The following BLTP3B variants were observed in gnomAD, a reference collection of about 807,000 sequenced individuals.
BLTP3B encodes the protein bridge-like lipid transfer protein family member 3B.
At chr12:100,082,565 T>C in the BLTP3B span, among the ~76,000 whole-genome samples, 1 of 152,238 alleles carries the variant, frequency 6.6e-6, no homozygotes, top group African/African-American at 2.4e-5. Context: ...AGTTAATTTT[T>C]GTGTGTGGTG....
the BLTP3B span, chr12:100,098,625 G>A: frequency 7.1e-7 from 1 of 1,417,072 alleles, no homozygotes; most frequent in Non-Finnish European, 9.4e-7. Flanking sequence ...TTTCTGGTTG[G>A]GGATGGTGGC....
At chr12:100,096,548 G>C in the BLTP3B span, among the ~76,000 whole-genome samples, 1 of 152,022 alleles carries the variant, frequency 6.6e-6, no homozygotes, top group Admixed American at 6.6e-5. Flanking sequence ...GCCAGGCATC[G>C]TGGCTCACAC....
At chr12:100,071,115 C>A in the BLTP3B span, among the ~76,000 whole-genome samples, 5 of 152,252 alleles carry the variant, frequency 3.3e-5, no homozygotes, top group South Asian at 1.0e-3. Context: ...GATAACAAAA[C>A]CTATTTCATC....
chr12:100,044,348 T>C, the BLTP3B span, among the ~76,000 whole-genome samples: 34 of 152,312 alleles, frequency 2.2e-4, no homozygotes, highest in African/African-American at 7.7e-4. Flanking sequence ...TGTCCTTTCT[T>C]CTGTAGCACT....
the BLTP3B span, among the ~76,000 whole-genome samples, chr12:100,072,271 A>C: frequency 6.6e-6 from 1 of 152,032 alleles, no homozygotes; most frequent in Admixed American, 6.6e-5. Context: ...TGAAAAAAAA[A>C]CAAAAAACAA....
the BLTP3B span, among the ~76,000 whole-genome samples, chr12:100,124,937 TATATATATATATATATATATATA>T: frequency 2.7e-4 from 1 of 3,660 alleles, no homozygotes; most frequent in African/African-American, 6.5e-4. Context: ...AAAAAAATTT[TATATATATATATATATATATATA>T]TATATATATA....
chr12:100,092,814 A>T, the BLTP3B span: 1,128 of 788,166 alleles, frequency 1.4e-3, 10 homozygotes, highest in African/African-American at 0.02. Flanking sequence ...TTAACAGAAT[A>T]GTATTTATGT....
the BLTP3B span, chr12:100,048,261 T>G: frequency 6.8e-7 from 1 of 1,478,752 alleles, no homozygotes; most frequent in Non-Finnish European, 9.0e-7. Context: ...TTATGTGCCA[T>G]GTAGTACATT....
the BLTP3B span, among the ~76,000 whole-genome samples, chr12:100,041,220 T>G: frequency 2.6e-5 from 4 of 152,160 alleles, no homozygotes; most frequent in African/African-American, 9.7e-5. Context: ...ATCATCTCAA[T>G]AGATGCAGAA....
At chr12:100,085,871 A>G in the BLTP3B span, among the ~76,000 whole-genome samples, 8,683 of 134,594 alleles carry the variant, frequency 0.065, 819 homozygotes, top group African/African-American at 0.22. Flanking sequence ...TTAGCTTCAT[A>G]CTCTTTTCAT....
At chr12:100,052,709 C>A in the BLTP3B span, among the ~76,000 whole-genome samples, 1 of 151,414 alleles carries the variant, frequency 6.6e-6, no homozygotes, top group African/African-American at 2.4e-5. Context: ...AACTTAATAG[C>A]CTTAAAGCAA....
the BLTP3B span, among the ~76,000 whole-genome samples, chr12:100,136,021 G>C: frequency 6.6e-6 from 1 of 152,014 alleles, no homozygotes. Flanking sequence ...GAACAGCCTG[G>C]CCAACATGGT....
At chr12:100,053,340 G>A in the BLTP3B span, among the ~76,000 whole-genome samples, 1 of 151,962 alleles carries the variant, frequency 6.6e-6, no homozygotes. Context: ...CCCAGGAGGC[G>A]GAGGTTGCAG....
the BLTP3B span, chr12:100,097,617 T>C: frequency 1.7e-6 from 2 of 1,191,154 alleles, no homozygotes; most frequent in Non-Finnish European, 2.3e-6. Context: ...TCACATGACA[T>C]TTTAGATATA....
chr12:100,103,826 T>C, the BLTP3B span: 2 of 1,180,402 alleles, frequency 1.7e-6, no homozygotes, highest in African/African-American at 1.6e-5. Context: ...AGACTATATT[T>C]CCATGAAACA....
At chr12:100,096,483 C>G in the BLTP3B span, among the ~76,000 whole-genome samples, 1 of 151,920 alleles carries the variant, frequency 6.6e-6, no homozygotes, top group South Asian at 2.1e-4. Flanking sequence ...AAATGTTCAA[C>G]AAGTATTTGG....
At chr12:100,039,832 T>G in the BLTP3B span, 60 of 1,521,764 alleles carry the variant, frequency 3.9e-5, no homozygotes, top group South Asian at 7.3e-4. Context: ...TTCCAAATAC[T>G]TGATAAATCT....
chr12:100,099,875 C>T, the BLTP3B span, among the ~76,000 whole-genome samples: 1 of 150,758 alleles, frequency 6.6e-6, no homozygotes, highest in South Asian at 2.1e-4. Context: ...CTGCAGTGAG[C>T]TGTGATCATG....
At chr12:100,051,381 G>A in the BLTP3B span, 1 of 559,724 alleles carries the variant, frequency 1.8e-6, no homozygotes, top group African/African-American at 1.9e-5. Context: ...TAATTAGTTA[G>A]CAAACAATGA....
Sources: gnomAD v4.1 joint callset for allele counts (sites outside exome capture counted in the v4.1 genomes callset) on GRCh38, gnomAD v4.1.1 for gene constraint, MANE v1.5 for transcripts, NCBI Gene and HGNC (gene_info 2026-07-23, HGNC 2026-07-21) for gene names.